GPC5: variants seen among roughly 807,000 people sequenced by gnomAD.
GPC5 encodes glypican 5, also known as glypican-5.
In GPC5, 47 loss-of-function variants were observed where a neutral mutation model predicts 53.9. That is an observed-to-expected ratio of 0.87 (90% CI 0.69 to 1.11). The LOEUF is 1.11. GPC5 is among the 50% of genes most tolerant of loss of function. The probability of loss-of-function intolerance (pLI) is 0.00; values close to 1 mark genes in which losing one functional copy is unlikely to be tolerated. For missense variants in GPC5, 748 were observed against 713.1 expected (o/e 1.05, Z -0.56); for synonymous variants, 286 against 263.3 (o/e 1.09, Z -0.84).
intron 2 of GPC5, among the ~76,000 whole-genome samples, chr13:91,557,240 C>T (rs1377079873): frequency 6.6e-6 from 1 of 152,118 alleles, no homozygotes; most frequent in East Asian, 1.9e-4. Flanking sequence ...TTCACTTTGG[C>T]TGTTCTGAGA....
chr13:92,235,816 T>C (rs1406034942), intron 7 of GPC5, among the ~76,000 whole-genome samples: 1 of 152,088 alleles, frequency 6.6e-6, no homozygotes, highest in Non-Finnish European at 1.5e-5. Flanking sequence ...CTTGTAGTTA[T>C]CTTCTCAAAG....
At chr13:91,431,259 G>A (rs1452981749) in intron 1 of GPC5, among the ~76,000 whole-genome samples, 1 of 152,106 alleles carries the variant, frequency 6.6e-6, no homozygotes, top group African/African-American at 2.4e-5. Context: ...TTGAGTGTCA[G>A]TCATGATTCT....
chr13:92,768,164 T>G (rs757225045), intron 7 of GPC5, among the ~76,000 whole-genome samples: 10 of 152,210 alleles, frequency 6.6e-5, no homozygotes, highest in Non-Finnish European at 1.5e-4. Flanking sequence ...TTGCAGTTTT[T>G]TCATACGTAG....
intron 6 of GPC5, among the ~76,000 whole-genome samples, chr13:91,994,138 G>A (rs1304541151): frequency 2.0e-5 from 3 of 152,190 alleles, no homozygotes; most frequent in Non-Finnish European, 4.4e-5. Flanking sequence ...GGTGTGTTCA[G>A]AGGAATACAA....
intron 7 of GPC5, among the ~76,000 whole-genome samples, chr13:92,517,116 C>G (rs555400236): frequency 1.3e-5 from 2 of 152,242 alleles, no homozygotes; most frequent in South Asian, 4.2e-4. Context: ...TGCAAGGCGG[C>G]AGTGAGGCTG....
At chr13:91,769,112 A>G (rs932323534) in intron 5 of GPC5, among the ~76,000 whole-genome samples, 3 of 152,188 alleles carry the variant, frequency 2.0e-5, no homozygotes, top group Non-Finnish European at 2.9e-5. Flanking sequence ...GAATGCTACT[A>G]GGCTGGAAAT....
At chr13:91,858,778 T>A (rs2038994375) in intron 5 of GPC5, among the ~76,000 whole-genome samples, 1 of 151,994 alleles carries the variant, frequency 6.6e-6, no homozygotes, top group African/African-American at 2.4e-5. Flanking sequence ...AGTAAAACCA[T>A]TAGGTCCTGG....
At chr13:91,630,146 A>AATATTCATTTATT (rs2034119233) in intron 2 of GPC5, among the ~76,000 whole-genome samples, 1 of 152,190 alleles carries the variant, frequency 6.6e-6, no homozygotes, top group Non-Finnish European at 1.5e-5. Flanking sequence ...GGACTGTATT[A>AATATTCATTTATT]ATATTCATTT....
intron 7 of GPC5, among the ~76,000 whole-genome samples, chr13:92,343,437 A>C (rs2043383966): frequency 6.6e-6 from 1 of 152,160 alleles, no homozygotes; most frequent in Non-Finnish European, 1.5e-5. Context: ...CTTCCTCTGA[A>C]ATGGAACTGA....
At chr13:92,804,956 G>A (rs930897030) in intron 7 of GPC5, among the ~76,000 whole-genome samples, 6 of 151,854 alleles carry the variant, frequency 4.0e-5, no homozygotes, top group South Asian at 2.1e-4. Flanking sequence ...CTCCTCATCC[G>A]CTCAAGTTTT....
intron 3 of GPC5, among the ~76,000 whole-genome samples, chr13:91,710,635 G>C (rs1339970966): frequency 6.6e-6 from 1 of 151,858 alleles, no homozygotes; most frequent in Admixed American, 6.6e-5. Context: ...CAGGCATTTG[G>C]GCTTCTCCAC....
intron 5 of GPC5, among the ~76,000 whole-genome samples, chr13:91,797,182 A>G (rs1292927795): frequency 6.6e-6 from 1 of 152,130 alleles, no homozygotes; most frequent in East Asian, 1.9e-4. Flanking sequence ...TAGAAATATT[A>G]CTGACCTCCA....
At chr13:92,006,177 CAGTA>C (rs138263621) in intron 6 of GPC5, among the ~76,000 whole-genome samples, 16,742 of 151,972 alleles carry the variant, frequency 0.11, 3,110 homozygotes, top group African/African-American at 0.38. Context: ...AAACAATATA[CAGTA>C]AGTATTATCT....
chr13:91,477,132 AT>A (rs1882976964), intron 2 of GPC5, among the ~76,000 whole-genome samples: 1 of 152,120 alleles, frequency 6.6e-6, no homozygotes, highest in Non-Finnish European at 1.5e-5. Context: ...TATGGTTTTA[AT>A]TTTTATTTTG....
chr13:91,925,009 C>T (rs1473967083), intron 6 of GPC5, among the ~76,000 whole-genome samples: 2 of 151,856 alleles, frequency 1.3e-5, no homozygotes, highest in Admixed American at 1.3e-4. Context: ...TTAGTAAAGA[C>T]GAGGTTTCAC....
chr13:91,734,311 C>T (rs1356480650), intron 4 of GPC5, among the ~76,000 whole-genome samples: 1 of 151,264 alleles, frequency 6.6e-6, no homozygotes. Context: ...GGCGTTCACT[C>T]CGTGAGTTGG....
At chr13:91,650,750 G>GTTTTTGTTTTT (rs1491353283) in intron 2 of GPC5, among the ~76,000 whole-genome samples, 24 of 99,590 alleles carry the variant, frequency 2.4e-4, no homozygotes, top group South Asian at 7.7e-4. Flanking sequence ...ATTCCCATAA[G>GTTTTTGTTTTT]TTTTTTTTTT....
chr13:91,755,999 A>G (rs2037281841), intron 4 of GPC5, among the ~76,000 whole-genome samples: 1 of 151,542 alleles, frequency 6.6e-6, no homozygotes, highest in Non-Finnish European at 1.5e-5. Context: ...AACTTCTTGC[A>G]TGTGAAGTTA....
In GPC5 at chr13:92,432,294, A is replaced by G. The variant is rs554714487; in HGVS notation, c.1561+287305A>G. Among the ~76,000 whole-genome samples, 29 of 151,364 alleles carry G rather than the reference A, an allele frequency of 1.9e-4. No individual in the cohort carries two copies. In the South Asian group the frequency reaches 4.4e-3, roughly 23 times the overall value. On this transcript the variant is annotated intron_variant, in intron 7 of 7. Coordinates refer to ENST00000377067, the MANE Select transcript of GPC5 (RefSeq NM_004466.6). ...CTCTTTTGTTGAAACAACTCAGTCA[A>G]TGGTATTTTTTTATGGCAGCCTAAG...
Sources: gnomAD v4.1 joint callset for allele counts (sites outside exome capture counted in the v4.1 genomes callset) on GRCh38, gnomAD v4.1.1 for gene constraint, MANE v1.5 for transcripts, NCBI Gene and HGNC (gene_info 2026-07-23, HGNC 2026-07-21) for gene names.